Variants in AGPAT3 observed in about 807,000 individuals in gnomAD.
The protein encoded by AGPAT3 is 1-acyl-sn-glycerol-3-phosphate acyltransferase gamma.
Under a neutral mutation model 47.3 loss-of-function variants are expected in AGPAT3, and 5 were observed. The ratio of observed to expected loss-of-function variants is 0.11; its 90% CI spans 0.06 to 0.22. The LOEUF (loss-of-function observed/expected upper bound fraction) is 0.22, where lower values mean the gene tolerates loss of function less well. Ranked by LOEUF, AGPAT3 falls within the 10% of genes least tolerant of loss-of-function variation. The pLI, the probability that AGPAT3 is intolerant of heterozygous loss-of-function variation, is 1.00. For missense variants in AGPAT3, 315 were observed against 493.0 expected (o/e 0.64, Z 3.42); for synonymous variants, 212 against 208.3 (o/e 1.02, Z -0.15).
At chr21:43,919,425 T>C (rs2086839019) in intron 2 of AGPAT3, among the ~76,000 whole-genome samples, 1 of 152,242 alleles carries the variant, frequency 6.6e-6, no homozygotes, top group Admixed American at 6.5e-5. Flanking sequence ...GTTTCTTCAC[T>C]TAGAATAATG....
intron 2 of AGPAT3, among the ~76,000 whole-genome samples, chr21:43,912,828 C>T (rs1053744729): frequency 1.3e-5 from 2 of 152,140 alleles, no homozygotes; most frequent in Non-Finnish European, 1.5e-5. Flanking sequence ...GTGGGTATTC[C>T]ATCGCTGTGC....
At chr21:43,883,174 C>T (rs2085892507) in intron 1 of AGPAT3, among the ~76,000 whole-genome samples, 1 of 152,206 alleles carries the variant, frequency 6.6e-6, no homozygotes, top group Non-Finnish European at 1.5e-5. Flanking sequence ...GGTCACTCCA[C>T]TGCGCATGCT....
chr21:43,916,545 T>G (rs1023914737), intron 2 of AGPAT3: 2 of 142,916 alleles, frequency 1.4e-5, no homozygotes. Flanking sequence ...ATTGAACCCT[T>G]TTTTTTTTTT....
At chr21:43,973,291 C>T (rs528448065) in intron 7 of AGPAT3, among the ~76,000 whole-genome samples, 10 of 152,302 alleles carry the variant, frequency 6.6e-5, no homozygotes, top group African/African-American at 1.2e-4. Flanking sequence ...GGTGACTGAC[C>T]GGGGCCCTGG....
chr21:43,912,245 G>A (rs544202023), intron 2 of AGPAT3, among the ~76,000 whole-genome samples: 4 of 152,374 alleles, frequency 2.6e-5, no homozygotes, highest in African/African-American at 9.6e-5. Context: ...GGACGATGCC[G>A]GGGCCATGGG....
chr21:43,986,926 G>A lies in AGPAT3; in HGVS notation c.*4534G>A, dbSNP rs1056578165. ...TATTTTTGGTCTTTAGAAGCTTGTC[G>A]GGGTGAGGGCTGCTAACTTACACTT... On this transcript the variant is annotated 3_prime_UTR_variant, in exon 10 of 10. Coordinates refer to ENST00000291572, the MANE Select transcript of AGPAT3 (RefSeq NM_020132.5). Among the ~76,000 whole-genome samples, 21 of 152,194 alleles carry A rather than the reference G, an allele frequency of 1.4e-4. No homozygotes were observed. The highest frequency in any genetic ancestry group is 5.9e-5 in the Non-Finnish European group (4 of 68,042).
In AGPAT3 at chr21:43,980,363, C is replaced by T. The variant is rs532612290; in HGVS notation, c.844-626C>T. Among the ~76,000 whole-genome samples, 3 of 152,256 alleles carry T rather than the reference C, an allele frequency of 2.0e-5. No individual in the cohort carries two copies. The South Asian group carries it at 6.2e-4, about 32-fold the overall frequency. On this transcript the variant is annotated intron_variant, in intron 8 of 9. Coordinates refer to ENST00000291572, the MANE Select transcript of AGPAT3 (RefSeq NM_020132.5). ...CATCCTAGAGTCCCACGGGCTGCCCCGCCCACGGGCAGTGGCTGCGGAGTG... is the reference window on the plus strand; with the variant it reads ...CATCCTAGAGTCCCACGGGCTGCCCTGCCCACGGGCAGTGGCTGCGGAGTG...
chr21:43,973,499 C>G lies in AGPAT3; in HGVS notation c.767+2009C>G, dbSNP rs555719969. On this transcript the variant is annotated intron_variant, in intron 7 of 9. Transcript: ENST00000291572. ...AGTAGCTGTCCAAGGTCAGCACTGG[C>G]CATGGAGGAGCCCGGCCACCCGCCA... Among the ~76,000 whole-genome samples the G allele has an allele frequency of 9.8e-5, 15 of 152,300 alleles. No homozygotes were observed. In the South Asian group the frequency reaches 3.1e-3, roughly 32 times the overall value.
At chr21:43,935,742 T>C (rs2087424307) in intron 2 of AGPAT3, among the ~76,000 whole-genome samples, 1 of 151,926 alleles carries the variant, frequency 6.6e-6, no homozygotes, top group African/African-American at 2.4e-5. Context: ...AGAAAGGCAG[T>C]GACCCAGGCG....
At position 43,985,216 on chromosome 21, in the gene AGPAT3, A is replaced by T. The variant is rs1601500080; in HGVS notation, c.*2824A>T. The T allele has an allele frequency of 2.2e-6, 1 of 456,300 alleles. No homozygotes were observed. The highest frequency in any genetic ancestry group is 4.4e-6 in the Non-Finnish European group (1 of 226,962). The allele number at this position is 456,300 out of a possible 1,614,324, so 28.3% of individuals were successfully genotyped here. A position where few individuals can be genotyped will look rare whatever the true frequency, so the allele number is the denominator to read the frequency against. On this transcript the variant is annotated 3_prime_UTR_variant, in exon 10 of 10. Coordinates refer to ENST00000291572, the MANE Select transcript of AGPAT3 (RefSeq NM_020132.5). The stretch of plus-strand genomic sequence containing the variant: ...TCCCAAGGATGCCATTGCTGTCTTC[A>T]TCGTCTTCCCCCGTGTGAGACACTG...
At chr21:43,916,792 C>G (rs776099784) in intron 2 of AGPAT3, among the ~76,000 whole-genome samples, 2 of 152,124 alleles carry the variant, frequency 1.3e-5, no homozygotes, top group Admixed American at 6.5e-5. Context: ...CATGCACGTT[C>G]GCACACACAG....
At chr21:43,944,854 C>G (rs1056592161) in intron 2 of AGPAT3, among the ~76,000 whole-genome samples, 3 of 152,248 alleles carry the variant, frequency 2.0e-5, no homozygotes, top group African/African-American at 7.2e-5. Flanking sequence ...TCACCTCTTA[C>G]CTCTAGAACA....
chr21:43,972,961 C>A (rs2146820200), intron 7 of AGPAT3, among the ~76,000 whole-genome samples: 1 of 152,364 alleles, frequency 6.6e-6, no homozygotes, highest in African/African-American at 2.4e-5. Flanking sequence ...GAGTGTGCGT[C>A]CTGATCAGCC....
At chr21:43,938,885 G>A (rs890927830) in intron 2 of AGPAT3, among the ~76,000 whole-genome samples, 4 of 152,216 alleles carry the variant, frequency 2.6e-5, no homozygotes, top group African/African-American at 7.2e-5. Context: ...CTGAAGCCTT[G>A]TGGGGGGAAG....
Position 43,922,160 on chromosome 21 carries a change from A to G in AGPAT3, c.-49+18141A>G, listed in dbSNP as rs888712025. ...ATGAGTCACCCGGGGGCCTTGGTGCATGTGGAGGCCCAGGCTTGTGGGGGA... is the reference window on the plus strand; with the variant it reads ...ATGAGTCACCCGGGGGCCTTGGTGCGTGTGGAGGCCCAGGCTTGTGGGGGA... On this transcript the variant is annotated intron_variant, in intron 2 of 9. Coordinates refer to ENST00000291572, the MANE Select transcript of AGPAT3 (RefSeq NM_020132.5). The surrounding 1 kb of genome is among the most constrained non-coding windows in gnomAD (Gnocchi z 4.9). 1.3e-5 allele frequency among the ~76,000 whole-genome samples: 2 copies of G among 152,060 alleles called. No homozygotes were observed. The highest frequency in any genetic ancestry group is 1.9e-4 in the East Asian group (1 of 5,190).
At chr21:43,916,009 T>C (rs889888537) in intron 2 of AGPAT3, among the ~76,000 whole-genome samples, 1 of 152,202 alleles carries the variant, frequency 6.6e-6, no homozygotes, top group Non-Finnish European at 1.5e-5. Flanking sequence ...CTATTTTCCC[T>C]TTAAGAGGAA....
chr21:43,979,998 G>C (rs750135173), intron 8 of AGPAT3, among the ~76,000 whole-genome samples: 1 of 152,086 alleles, frequency 6.6e-6, no homozygotes, highest in Non-Finnish European at 1.5e-5. Context: ...AAGAGAGCGG[G>C]TCGGCCAGGT....
At chr21:43,957,723 C>T (rs934604097) in intron 2 of AGPAT3, among the ~76,000 whole-genome samples, 2 of 150,098 alleles carry the variant, frequency 1.3e-5, no homozygotes, top group African/African-American at 4.9e-5. Context: ...ACGGGGGTCT[C>T]TGGTTTCCCC....
In AGPAT3 at chr21:43,985,111, G is replaced by C. The variant is rs2030132787; in HGVS notation, c.*2719G>C. 2.2e-6 allele frequency: 1 copy of C among 456,166 alleles called. No homozygotes were observed. The highest frequency in any genetic ancestry group is 2.3e-5 in the Admixed American group (1 of 42,568). The allele number at this position is 456,166 out of a possible 1,614,324, so 28.3% of individuals were successfully genotyped here. On this transcript the variant is annotated 3_prime_UTR_variant, in exon 10 of 10. Coordinates refer to ENST00000291572, the MANE Select transcript of AGPAT3 (RefSeq NM_020132.5). The stretch of plus-strand genomic sequence containing the variant: ...GTCTGGCCGGTCAAGCTCCCAGCCT[G>C]GGCCGTGGTCTCCTGGGGACGCCGC...
Sources: allele counts gnomAD v4.1 joint callset (sites outside exome capture counted in the v4.1 genomes callset), GRCh38; gene constraint gnomAD v4.1.1; non-coding constraint Gnocchi (gnomAD v3.1); transcripts MANE v1.5; gene names NCBI Gene and HGNC (gene_info 2026-07-23, HGNC 2026-07-21).